Variants in GABRG3 observed in about 807,000 individuals in gnomAD.
GABRG3 encodes the protein gamma-aminobutyric acid type A receptor subunit gamma3, also known as gamma-aminobutyric acid receptor subunit gamma-3.
A neutral mutation model predicts 48.8 loss-of-function variants in GABRG3; 25 were observed. The ratio of observed to expected loss-of-function variants is 0.51; its 90% CI spans 0.37 to 0.72. The LOEUF (loss-of-function observed/expected upper bound fraction) is 0.72. GABRG3 is among the 30% of genes least tolerant of loss of function. The pLI is 0.00. For missense variants in GABRG3, 394 were observed against 577.9 expected, an observed-to-expected ratio of 0.68 and a Z score of 3.26; for synonymous variants, 227 against 217.6, an observed-to-expected ratio of 1.04 and a Z score of -0.38.
At position 27,338,766 on chromosome 15, in the gene GABRG3, GACAA is replaced by G. The variant is rs558503180; in HGVS notation, c.574+9881_574+9884del. The stretch of plus-strand genomic sequence containing the variant: ...TATTGACTGGCCGTGCAGAGGTACA[GACAA>G]ACCAGCAAATGTATATTTTTGCACT... On this transcript the variant is annotated intron_variant, in intron 5 of 9. Coordinates refer to ENST00000615808, the MANE Select transcript of GABRG3 (RefSeq NM_033223.5). Among the ~76,000 whole-genome samples the G allele has an allele frequency of 9.8e-5, 15 of 152,300 alleles. No homozygotes were observed. In the East Asian group the frequency reaches 2.9e-3, roughly 29 times the overall value.
At chr15:27,310,702 GA>G (rs1381614664) in intron 3 of GABRG3, among the ~76,000 whole-genome samples, 2 of 152,110 alleles carry the variant, frequency 1.3e-5, no homozygotes, top group African/African-American at 4.8e-5. Context: ...GAAGTTTGAA[GA>G]ACTTGCTTCA....
intron 3 of GABRG3, among the ~76,000 whole-genome samples, chr15:27,260,951 C>A (rs78556850): frequency 2.6e-5 from 4 of 152,060 alleles, no homozygotes; most frequent in Non-Finnish European, 5.9e-5. Context: ...CACGGGGAAA[C>A]GCACAGGATG....
chr15:27,132,252 G>A (rs538439438), intron 3 of GABRG3, among the ~76,000 whole-genome samples: 1 of 151,900 alleles, frequency 6.6e-6, no homozygotes, highest in Non-Finnish European at 1.5e-5. Flanking sequence ...TCTTCTAGTA[G>A]TTTCATAGTT....
intron 6 of GABRG3, chr15:27,481,352 T>C: frequency 1.3e-6 from 1 of 794,614 alleles, no homozygotes. Flanking sequence ...TGTGAATGTG[T>C]TTTGTTTTGC....
intron 3 of GABRG3, among the ~76,000 whole-genome samples, chr15:27,074,674 A>G (rs1420267702): frequency 6.6e-6 from 1 of 150,934 alleles, no homozygotes; most frequent in Non-Finnish European, 1.5e-5. Flanking sequence ...TGAAGCAACT[A>G]TTATTATCCT....
intron 2 of GABRG3, among the ~76,000 whole-genome samples, chr15:26,988,418 A>G (rs1294149075): frequency 6.6e-6 from 1 of 152,174 alleles, no homozygotes; most frequent in Non-Finnish European, 1.5e-5. Flanking sequence ...ATTCTTTGCT[A>G]TGAAATCTAC....
chr15:26,973,122 A>G (rs1187682096), intron 1 of GABRG3, among the ~76,000 whole-genome samples: 2 of 152,194 alleles, frequency 1.3e-5, no homozygotes, highest in Admixed American at 6.5e-5. Context: ...CCAGCCGTTC[A>G]GGGTTCAGTA....
intron 3 of GABRG3, among the ~76,000 whole-genome samples, chr15:27,252,715 G>A (rs1890498924): frequency 1.3e-5 from 2 of 152,220 alleles, no homozygotes; most frequent in African/African-American, 2.4e-5. Flanking sequence ...TCTGACCCCA[G>A]GCAGAATATT....
chr15:27,342,364 G>A (rs145560226), intron 5 of GABRG3, among the ~76,000 whole-genome samples: 12,409 of 152,238 alleles, frequency 0.082, 1,136 homozygotes, highest in African/African-American at 0.22. Context: ...AGCTCTTGTT[G>A]TCCAAGTGCA....
intron 6 of GABRG3, among the ~76,000 whole-genome samples, chr15:27,511,312 T>C (rs1405530733): frequency 6.6e-6 from 1 of 152,186 alleles, no homozygotes; most frequent in Non-Finnish European, 1.5e-5. Flanking sequence ...GAGAGCTGGC[T>C]GGGGCAAGGA....
At chr15:27,487,159 G>A (rs953854969) in intron 6 of GABRG3, among the ~76,000 whole-genome samples, 2 of 152,110 alleles carry the variant, frequency 1.3e-5, no homozygotes, top group African/African-American at 4.8e-5. Flanking sequence ...CTCTAATTCA[G>A]ACGGGAAATG....
chr15:27,227,592 C>T (rs2140444926), intron 3 of GABRG3, among the ~76,000 whole-genome samples: 1 of 152,136 alleles, frequency 6.6e-6, no homozygotes, highest in South Asian at 2.1e-4. Context: ...AAGGCTGAGG[C>T]AGGAGGATTG....
In GABRG3 at chr15:27,194,942, T is replaced by C. The variant is rs557679334; in HGVS notation, c.271-131867T>C. ...CTAGTTCCCTGAGAATGTTTGTTTG[T>C]TTATTATTTATTTTACAATCTACTT... On this transcript the variant is annotated intron_variant, in intron 3 of 9. Coordinates refer to ENST00000615808, the MANE Select transcript of GABRG3 (RefSeq NM_033223.5). Among the ~76,000 whole-genome samples the C allele has an allele frequency of 5.9e-4, 84 of 142,784 alleles. 1 individual carries two copies. Among genetic ancestry groups the C allele is most frequent in the Admixed American group, 1.7e-3 (25 of 14,900 alleles). The allele number at this position is 142,784 out of a possible 152,430, so 93.7% of individuals were successfully genotyped here. A position where few individuals can be genotyped will look rare whatever the true frequency, so the allele number is the denominator to read the frequency against.
At position 27,165,261 on chromosome 15, in the gene GABRG3, A is replaced by G. The variant is rs2467295; in HGVS notation, c.270+138440A>G. On this transcript the variant is annotated intron_variant, in intron 3 of 9. Transcript: ENST00000615808. ...GTTACTGGTGGTATGTTTACCGACAATTAGACTTCCAGCATTGGGCAGTGC... is the reference window on the plus strand; with the variant it reads ...GTTACTGGTGGTATGTTTACCGACAGTTAGACTTCCAGCATTGGGCAGTGC... 9.3e-3 allele frequency among the ~76,000 whole-genome samples: 1,418 copies of G among 152,264 alleles called. 24 individuals carry two copies. Among genetic ancestry groups the G allele is most frequent in the African/African-American group, 0.032 (1,340 of 41,556 alleles).
intron 5 of GABRG3, among the ~76,000 whole-genome samples, chr15:27,427,520 G>A (rs973897397): frequency 6.6e-6 from 1 of 152,174 alleles, no homozygotes; most frequent in Non-Finnish European, 1.5e-5. Flanking sequence ...ACAGCTTCAT[G>A]TAGGCCTGAC....
chr15:27,415,786 A>G (rs1887923227), intron 5 of GABRG3, among the ~76,000 whole-genome samples: 2 of 152,236 alleles, frequency 1.3e-5, no homozygotes, highest in South Asian at 4.1e-4. Flanking sequence ...CTGCCAAAAG[A>G]AAGATTAAGC....
chr15:27,005,243 C>T (rs1395870032), intron 2 of GABRG3, among the ~76,000 whole-genome samples: 2 of 151,446 alleles, frequency 1.3e-5, no homozygotes, highest in Non-Finnish European at 2.9e-5. Context: ...TCTCTGTCGC[C>T]AGGCTGGAGT....
intron 5 of GABRG3, among the ~76,000 whole-genome samples, chr15:27,354,095 C>G (rs1894749229): frequency 6.6e-6 from 1 of 152,182 alleles, no homozygotes; most frequent in South Asian, 2.1e-4. Context: ...CCTGTACCGA[C>G]TAAGAAGCTG....
At chr15:27,361,554 C>G (rs191015946) in intron 5 of GABRG3, among the ~76,000 whole-genome samples, 1 of 152,246 alleles carries the variant, frequency 6.6e-6, no homozygotes, top group Admixed American at 6.5e-5. Context: ...AGATGGCATG[C>G]CTTTCATCCC....
Sources: allele counts gnomAD v4.1 joint callset (sites outside exome capture counted in the v4.1 genomes callset), GRCh38; gene constraint gnomAD v4.1.1; transcripts MANE v1.5; gene names NCBI Gene and HGNC (gene_info 2026-07-23, HGNC 2026-07-21).